The following ST6GALNAC3 variants were observed in gnomAD, a reference collection of about 807,000 sequenced individuals.
ST6GALNAC3 encodes the protein ST6 N-acetylgalactosaminide alpha-2,6-sialyltransferase 3.
ST6GALNAC3 carries 25 observed loss-of-function variants against 32.7 expected under a neutral mutation model. The observed-to-expected ratio is 0.76, with a 90% CI of 0.56 to 1.07. The LOEUF is 1.07. Among genes scored for constraint, ST6GALNAC3 ranks in the 50% least tolerant of loss-of-function variants. The pLI is 0.00. For missense variants in ST6GALNAC3, 355 were observed against 382.4 expected (o/e 0.93, Z 0.60); for synonymous variants, 129 against 133.1 (o/e 0.97, Z 0.21).
intron 2 of ST6GALNAC3, among the ~76,000 whole-genome samples, chr1:76,395,053 A>G (rs1396123161): frequency 1.3e-5 from 2 of 152,134 alleles, no homozygotes; most frequent in South Asian, 2.1e-4. Context: ...TTTCATCTTT[A>G]AAGTGTGAGG....
intron 2 of ST6GALNAC3, among the ~76,000 whole-genome samples, chr1:76,408,985 C>A (rs1259490227): frequency 6.6e-6 from 1 of 152,104 alleles, no homozygotes; most frequent in Non-Finnish European, 1.5e-5. Context: ...TAATGGATGT[C>A]AGGCTCTGCT....
At chr1:76,525,787 G>GTATA (rs1662840934) in intron 3 of ST6GALNAC3, among the ~76,000 whole-genome samples, 1 of 71,392 alleles carries the variant, frequency 1.4e-5, no homozygotes, top group Non-Finnish European at 3.1e-5. Flanking sequence ...GTGTGTGTGT[G>GTATA]TGTGTATATA....
intron 2 of ST6GALNAC3, among the ~76,000 whole-genome samples, chr1:76,400,027 T>A (rs1477877516): frequency 1.3e-5 from 2 of 152,190 alleles, no homozygotes; most frequent in South Asian, 4.1e-4. Context: ...AAACTTTTTT[T>A]ATTTTTTCAT....
chr1:76,636,474 A>G (rs1649508273), downstream of ST6GALNAC3, among the ~76,000 whole-genome samples: 1 of 152,156 alleles, frequency 6.6e-6, no homozygotes, highest in African/African-American at 2.4e-5. Context: ...TGAATCTTAA[A>G]TTTAGGAATT....
At chr1:76,488,412 G>A (rs1211994227) in intron 3 of ST6GALNAC3, among the ~76,000 whole-genome samples, 3 of 152,028 alleles carry the variant, frequency 2.0e-5, no homozygotes, top group Non-Finnish European at 2.9e-5. Context: ...TGTAAAGCCC[G>A]CAAAACCATG....
chr1:76,564,317 C>T (rs1665418352), intron 3 of ST6GALNAC3, among the ~76,000 whole-genome samples: 1 of 152,200 alleles, frequency 6.6e-6, no homozygotes, highest in Non-Finnish European at 1.5e-5. Flanking sequence ...ATTCTATTTA[C>T]TTTTAAACCT....
chr1:76,508,860 C>T (rs1292183370), intron 3 of ST6GALNAC3, among the ~76,000 whole-genome samples: 1 of 152,166 alleles, frequency 6.6e-6, no homozygotes, highest in East Asian at 1.9e-4. Context: ...GCATATTTCT[C>T]ATTGAAGAAC....
At position 76,616,770 on chromosome 1, in the gene ST6GALNAC3, C is replaced by T. The variant is rs968513904; in HGVS notation, c.624-10682C>T. Among the ~76,000 whole-genome samples, 8 of 152,176 alleles carry T rather than the reference C, an allele frequency of 5.3e-5. No individual in the cohort carries two copies. The East Asian group carries it at 1.5e-3, about 29-fold the overall frequency. ...AAAAAAAAATTAATAGATGGGGTTG[C>T]TGGGGGTATCACTTAGATTTTCCTA... On this transcript the variant is annotated intron_variant, in intron 3 of 4. Coordinates refer to ENST00000328299, the MANE Select transcript of ST6GALNAC3 (RefSeq NM_152996.4).
chr1:76,150,663 G>A (rs564621550), intron 1 of ST6GALNAC3, among the ~76,000 whole-genome samples: 35 of 119,588 alleles, frequency 2.9e-4, no homozygotes, highest in Middle Eastern at 4.1e-3. Context: ...TCTGTGAAAC[G>A]TTGTCAGATG....
chr1:76,352,719 T>G (rs1281651427), intron 2 of ST6GALNAC3, among the ~76,000 whole-genome samples: 1 of 152,140 alleles, frequency 6.6e-6, no homozygotes, highest in Non-Finnish European at 1.5e-5. Flanking sequence ...TCCATGTGGA[T>G]GTATAATAAT....
In ST6GALNAC3 at chr1:76,218,818, G is replaced by A. The variant is rs6672033; in HGVS notation, c.19-94987G>A. ...AGCTCTGCCACTTCACAAAAAGATT[G>A]TTCTATTTGTTATTGTTACTGGCAC... On this transcript the variant is annotated intron_variant, in intron 1 of 4. Coordinates refer to ENST00000328299, the MANE Select transcript of ST6GALNAC3 (RefSeq NM_152996.4). Among the ~76,000 whole-genome samples the A allele has an allele frequency of 1.9e-3, 295 of 152,210 alleles. 1 individual carries two copies. The highest frequency in any genetic ancestry group is 3.6e-3 in the Non-Finnish European group (242 of 67,990).
intron 3 of ST6GALNAC3, among the ~76,000 whole-genome samples, chr1:76,495,097 T>C (rs1660770774): frequency 6.6e-6 from 1 of 152,060 alleles, no homozygotes; most frequent in African/African-American, 2.4e-5. Flanking sequence ...CTTTACTCAG[T>C]CTACTGATTC....
chr1:76,513,427 A>G (rs867211450), intron 3 of ST6GALNAC3, among the ~76,000 whole-genome samples: 17 of 152,252 alleles, frequency 1.1e-4, no homozygotes, highest in African/African-American at 3.6e-4. Context: ...TCTGTTGAAA[A>G]TAAGTTGAAT....
intron 3 of ST6GALNAC3, among the ~76,000 whole-genome samples, chr1:76,530,462 T>A (rs1218792028): frequency 1.3e-5 from 2 of 152,136 alleles, no homozygotes; most frequent in Non-Finnish European, 2.9e-5. Flanking sequence ...CATTGCCACA[T>A]GAAGAAAGTC....
intron 2 of ST6GALNAC3, among the ~76,000 whole-genome samples, chr1:76,330,009 A>G (rs997605217): frequency 6.6e-6 from 1 of 151,894 alleles, no homozygotes; most frequent in Non-Finnish European, 1.5e-5. Context: ...TGATTTCACC[A>G]TGTTGGTCAG....
intron 1 of ST6GALNAC3, among the ~76,000 whole-genome samples, chr1:76,197,783 A>C (rs1005824345): frequency 6.6e-6 from 1 of 152,188 alleles, no homozygotes. Flanking sequence ...CCTTAGCACT[A>C]TCAACATTTT....
rs563664620 is a variant in ST6GALNAC3 at position 76,387,196 on chromosome 1, C to G, written c.214-24812C>G. 1.2e-4 allele frequency among the ~76,000 whole-genome samples: 19 copies of G among 152,210 alleles called. No individual in the cohort carries two copies. The East Asian group carries it at 3.3e-3, about 26-fold the overall frequency. On this transcript the variant is annotated intron_variant, in intron 2 of 4. Transcript: ENST00000328299. ...GTCAATAACCAAACCCTTTAAATTT[C>G]CTTAACAATGGTGACTGTAGGGCTG...
intron 1 of ST6GALNAC3, among the ~76,000 whole-genome samples, chr1:76,287,461 G>A (rs1659850932): frequency 6.7e-6 from 1 of 148,830 alleles, no homozygotes; most frequent in Non-Finnish European, 1.5e-5. Context: ...CAGAAATGGA[G>A]TTATTTGGTC....
At chr1:76,308,381 G>A (rs1661194620) in intron 1 of ST6GALNAC3, among the ~76,000 whole-genome samples, 1 of 152,140 alleles carries the variant, frequency 6.6e-6, no homozygotes, top group Non-Finnish European at 1.5e-5. Flanking sequence ...TTAGGGGAAT[G>A]ACTGTTTATA....
Sources: allele counts gnomAD v4.1 joint callset (sites outside exome capture counted in the v4.1 genomes callset), GRCh38; gene constraint gnomAD v4.1.1; transcripts MANE v1.5; gene names NCBI Gene and HGNC (gene_info 2026-07-23, HGNC 2026-07-21).